RTN1: variants seen among roughly 807,000 people sequenced by gnomAD.
RTN1 encodes the protein reticulon-1.
A neutral mutation model predicts 65.5 loss-of-function variants in RTN1; 25 were observed. That is an observed-to-expected ratio of 0.38 (90% CI 0.28 to 0.53). The LOEUF (loss-of-function observed/expected upper bound fraction) is 0.53. Ranked by LOEUF, RTN1 falls within the 20% of genes least tolerant of loss-of-function variation. The pLI is 0.79. For synonymous variants in RTN1, 471 were observed against 447.6 expected (o/e 1.05, Z -0.66); for missense variants, 983 against 1,025.4 (o/e 0.96, Z 0.57).
chr14:59,715,153 G>T (rs764879638), intron 3 of RTN1, among the ~76,000 whole-genome samples: 3 of 152,202 alleles, frequency 2.0e-5, no homozygotes, highest in Non-Finnish European at 4.4e-5. Flanking sequence ...AATATATACA[G>T]TGGGAGAGAC....
At chr14:59,818,936 C>T (rs553725565) in intron 1 of RTN1, among the ~76,000 whole-genome samples, 1 of 152,274 alleles carries the variant, frequency 6.6e-6, no homozygotes, top group Middle Eastern at 3.4e-3. Flanking sequence ...CGGACCTTCG[C>T]GGTGAGTGTT....
At chr14:59,724,322 C>T (rs1210506902) in intron 3 of RTN1, among the ~76,000 whole-genome samples, 2 of 152,156 alleles carry the variant, frequency 1.3e-5, no homozygotes, top group East Asian at 1.9e-4. Context: ...TGCAATGATG[C>T]CATCAAATAT....
At chr14:59,739,737 G>A (rs989631542) in intron 2 of RTN1, among the ~76,000 whole-genome samples, 2 of 152,162 alleles carry the variant, frequency 1.3e-5, no homozygotes, top group Admixed American at 6.5e-5. Context: ...AAAAAGAGGG[G>A]TTTCAAAAGC....
At chr14:59,854,757 C>T (rs943838592) in intron 1 of RTN1, among the ~76,000 whole-genome samples, 3 of 151,698 alleles carry the variant, frequency 2.0e-5, no homozygotes, top group Non-Finnish European at 2.9e-5. Flanking sequence ...TTCATCAAAT[C>T]TGGATGCTTC....
rs575486800 is a variant in RTN1, at chr14:59,762,904, C to T, written c.242-16423G>A. On this transcript the variant is annotated intron_variant, in intron 1 of 8. Coordinates refer to ENST00000267484, the MANE Select transcript of RTN1 (RefSeq NM_021136.3). Reference sequence around the variant, plus strand: ...TGCCTTTTAACAGAGTATGCCTTGCCTTCTTGTTCAAGTTTTCAAAATCTA... The same window carrying T: ...TGCCTTTTAACAGAGTATGCCTTGCTTTCTTGTTCAAGTTTTCAAAATCTA... Among the ~76,000 whole-genome samples, 5 of 152,258 alleles carry T rather than the reference C, an allele frequency of 3.3e-5. No homozygotes were observed. The South Asian group carries it at 1.0e-3, about 32-fold the overall frequency.
At chr14:59,833,686 G>A (rs186921290) in intron 1 of RTN1, among the ~76,000 whole-genome samples, 7 of 151,900 alleles carry the variant, frequency 4.6e-5, no homozygotes, top group Non-Finnish European at 7.4e-5. Flanking sequence ...CCCTCCTCCC[G>A]CCCTCCACCC....
rs896408030 is a variant in RTN1, at chr14:59,794,385, T to C, written c.242-47904A>G. Among the ~76,000 whole-genome samples, 2 of 152,204 alleles carry C rather than the reference T, an allele frequency of 1.3e-5. No homozygotes were observed. Among genetic ancestry groups the C allele is most frequent in the Non-Finnish European group, 2.9e-5 (2 of 68,040 alleles). On this transcript the variant is annotated intron_variant, in intron 1 of 8. Transcript: ENST00000267484. The surrounding 1 kb of genome is among the most constrained non-coding windows in gnomAD (Gnocchi z 5.1). Reference sequence around the variant, plus strand: ...AAGCATCACAAACTTGAAAGTATTCTAAGCCACTGGATCAAATCACCTCCA... The same window carrying C: ...AAGCATCACAAACTTGAAAGTATTCCAAGCCACTGGATCAAATCACCTCCA...
intron 1 of RTN1, among the ~76,000 whole-genome samples, chr14:59,850,486 C>G (rs1390279687): frequency 3.9e-5 from 6 of 152,150 alleles, no homozygotes; most frequent in Admixed American, 3.9e-4. Flanking sequence ...TGCTTTTGCA[C>G]CATTGTAAAG....
chr14:59,753,916 TGGA>T (rs1482472964), intron 1 of RTN1, among the ~76,000 whole-genome samples: 3 of 152,240 alleles, frequency 2.0e-5, no homozygotes, highest in Non-Finnish European at 2.9e-5. Flanking sequence ...AGCTGTTTCC[TGGA>T]CCATCTAGAG....
In RTN1 at chr14:59,767,553, T is replaced by C. The variant is rs117812374; in HGVS notation, c.242-21072A>G. ...GCAGCTTAGCCTATACCCTAACCAA[T>C]ACAGCATGCAAATAAAACGACTGAG... On this transcript the variant is annotated intron_variant, in intron 1 of 8. Coordinates refer to ENST00000267484, the MANE Select transcript of RTN1 (RefSeq NM_021136.3). Among the ~76,000 whole-genome samples, 1,006 of 152,256 alleles carry C rather than the reference T, an allele frequency of 6.6e-3. 5 individuals are homozygous for C. The highest frequency in any genetic ancestry group is 0.011 in the Non-Finnish European group (755 of 68,022).
chr14:59,625,054 T>C (rs1405221112), intron 3 of RTN1, among the ~76,000 whole-genome samples: 1 of 152,126 alleles, frequency 6.6e-6, no homozygotes, highest in East Asian at 1.9e-4. Flanking sequence ...GAGAAATAAC[T>C]GTGTACAGAT....
chr14:59,839,908 T>C (rs1421682060), intron 1 of RTN1, among the ~76,000 whole-genome samples: 1 of 152,186 alleles, frequency 6.6e-6, no homozygotes, highest in African/African-American at 2.4e-5. Context: ...TTTTCTCTCA[T>C]AAAATTAACC....
chr14:59,723,995 C>T lies in RTN1; in HGVS notation c.1765+2924G>A, dbSNP rs1162180743. 2.0e-5 allele frequency among the ~76,000 whole-genome samples: 3 copies of T among 152,202 alleles called. No individual in the cohort carries two copies. The East Asian group carries it at 5.8e-4, about 29-fold the overall frequency. On this transcript the variant is annotated intron_variant, in intron 3 of 8. Transcript: ENST00000267484. The stretch of plus-strand genomic sequence containing the variant: ...TGATTAATCACACTGGGTATTAGTG[C>T]TTTTATGAAAATTTTTAAATTGGCT...
chr14:59,809,022 G>C (rs1886684487), intron 1 of RTN1, among the ~76,000 whole-genome samples: 1 of 152,060 alleles, frequency 6.6e-6, no homozygotes, highest in African/African-American at 2.4e-5. Context: ...AAAGCAATTT[G>C]AGAACGGGCT....
chr14:59,669,493 A>G (rs1883454827), intron 3 of RTN1, among the ~76,000 whole-genome samples: 1 of 152,072 alleles, frequency 6.6e-6, no homozygotes. Context: ...CATTAGGAGA[A>G]ATATCTAATT....
intron 2 of RTN1, among the ~76,000 whole-genome samples, chr14:59,729,770 T>C (rs1335523434): frequency 4.6e-5 from 7 of 152,242 alleles, no homozygotes; most frequent in African/African-American, 1.4e-4. Context: ...TCTGCCCGCT[T>C]GGATCCATTC....
intron 3 of RTN1, among the ~76,000 whole-genome samples, chr14:59,719,748 G>A (rs749281678): frequency 8.5e-5 from 13 of 152,316 alleles, no homozygotes; most frequent in African/African-American, 2.2e-4. Context: ...AGTAGGGTTA[G>A]TATTTGAGAC....
intron 1 of RTN1, among the ~76,000 whole-genome samples, chr14:59,845,395 C>G (rs1887390224): frequency 6.6e-6 from 1 of 152,150 alleles, no homozygotes; most frequent in African/African-American, 2.4e-5. Context: ...GAGCCGGAAA[C>G]TTAAATAATT....
rs769297732 is a variant in RTN1, at chr14:59,727,165, C to G, written c.1519G>C (p.Glu507Gln). The G allele has an allele frequency of 6.3e-7, 1 of 1,591,848 alleles. No homozygotes were observed. Among genetic ancestry groups the G allele is most frequent in the Non-Finnish European group, 8.6e-7 (1 of 1,169,136 alleles). The change falls in exon 3 of 9, where the codon GAG becomes CAG. Residue 507 changes from glutamate to glutamine, a missense_variant. This residue lies in a region of RTN1 where 818 missense variants were observed against 801.8 expected (regional missense o/e 1.02). Transcript: ENST00000267484. The surrounding 1 kb of genome is among the most constrained non-coding windows in gnomAD (Gnocchi z 4.2). ...CCCCGCCGGCTTGGCGCACGCTCCT[C>G]GGCCCGGACGCCAGTCTCCTCCCGG... ...AIREETGVRA[E>Q]ERAPSRRGLA...
Sources: gnomAD v4.1 joint callset for allele counts (sites outside exome capture counted in the v4.1 genomes callset) on GRCh38, gnomAD v4.1.1 for gene constraint, gnomAD v4.1.1 regional missense constraint, Gnocchi (gnomAD v3.1) non-coding constraint, MANE v1.5 for transcripts, NCBI Gene and HGNC (gene_info 2026-07-23, HGNC 2026-07-21) for gene names.